The following TAOK3 variants were observed in gnomAD, a reference collection of about 807,000 sequenced individuals.
The protein encoded by TAOK3 is serine/threonine-protein kinase TAO3.
In TAOK3, 40 loss-of-function variants were observed where a neutral mutation model predicts 120.4. That is an observed-to-expected ratio of 0.33 (90% CI 0.26 to 0.43). The LOEUF is 0.43. Ranked by LOEUF, TAOK3 falls within the 20% of genes least tolerant of loss-of-function variation. The pLI, the probability that TAOK3 is intolerant of heterozygous loss-of-function variation, is 1.00. For synonymous variants in TAOK3, 355 were observed against 387.5 expected (o/e 0.92, Z 0.99); for missense variants, 821 against 1,112.1 (o/e 0.74, Z 3.72).
At chr12:118,252,308 A>C (rs2040790432) in intron 3 of TAOK3, among the ~76,000 whole-genome samples, 1 of 152,206 alleles carries the variant, frequency 6.6e-6, no homozygotes, top group Non-Finnish European at 1.5e-5. Context: ...AAAAGTTCAA[A>C]ACTAAGCAAA....
intron 6 of TAOK3, among the ~76,000 whole-genome samples, 198 bp downstream of exon 6, chr12:118,239,029 A>C (rs1350356555): frequency 1.3e-5 from 2 of 152,234 alleles, no homozygotes; most frequent in Admixed American, 6.5e-5. Context: ...CCATGAACTA[A>C]AACAGCAGGA....
intron 1 of TAOK3, among the ~76,000 whole-genome samples, chr12:118,355,249 AT>A (rs2045343689): frequency 6.6e-6 from 1 of 152,124 alleles, no homozygotes; most frequent in Admixed American, 6.5e-5. Context: ...AACAAAAAAA[AT>A]TTTTTTAGCT....
At chr12:118,295,578 T>C (rs2042648808) in intron 1 of TAOK3, among the ~76,000 whole-genome samples, 1 of 152,226 alleles carries the variant, frequency 6.6e-6, no homozygotes, top group Admixed American at 6.5e-5. Context: ...CTCTCGATTA[T>C]AAACTTCTTG....
Position 118,255,563 on chromosome 12 carries a change from C to G in TAOK3, c.5G>C (p.Arg2Pro), listed in dbSNP as rs142571136. Residue 2 changes from arginine (R) to proline (P), a missense_variant, in exon 3 of 21, where the codon CGT (arginine) becomes CCT (proline). Physicochemically the swap from Arg to Pro is moderately radical, Grantham distance 103. Coordinates refer to ENST00000392533, the MANE Select transcript of TAOK3 (RefSeq NM_016281.4). ...CTCTGGGTCCTTCAGCACCCCTTTA[C>G]GCATGATGGCCAGTAGAGCAGGCTC... M[R>P]KGVLKDPEIA... is the part of the protein sequence containing the mutation. The G allele has an allele frequency of 1.9e-6, 3 of 1,612,310 alleles. No individual in the cohort carries two copies. Among genetic ancestry groups the G allele is most frequent in the Non-Finnish European group, 1.7e-6 (2 of 1,179,280 alleles).
At chr12:118,252,043 G>A (rs893634450) in intron 3 of TAOK3, among the ~76,000 whole-genome samples, 4 of 151,950 alleles carry the variant, frequency 2.6e-5, no homozygotes, top group African/African-American at 9.7e-5. Context: ...GGATGGTCTC[G>A]ATCTCCTGAC....
intron 11 of TAOK3, among the ~76,000 whole-genome samples, chr12:118,209,469 C>A (rs977366034): frequency 6.6e-5 from 10 of 152,154 alleles, no homozygotes; most frequent in African/African-American, 2.4e-4. Flanking sequence ...GGGGCACAAT[C>A]TCGGCTCACT....
intron 19 of TAOK3, among the ~76,000 whole-genome samples, chr12:118,154,806 A>G (rs2034692192): frequency 6.6e-6 from 1 of 152,130 alleles, no homozygotes; most frequent in African/African-American, 2.4e-5. Context: ...TACACTGAAG[A>G]TACGATAAGA....
At chr12:118,175,620 T>C (rs954485254) in intron 16 of TAOK3, among the ~76,000 whole-genome samples, 3 of 151,448 alleles carry the variant, frequency 2.0e-5, no homozygotes, top group Admixed American at 1.3e-4. Flanking sequence ...AGAGCGAAAC[T>C]CCATCTCAAA....
chr12:118,182,597 G>GTATATATATA lies in TAOK3; in HGVS notation c.1330-991_1330-990insTATATATATA, dbSNP rs1291003929. On this transcript the variant is annotated intron_variant, in intron 14 of 20. Transcript: ENST00000392533. ...TTTGTATATGTGTGTGTGTGTGTGT[G>GTATATATATA]TGTATATATATATATATATATATAT... 5.2e-4 allele frequency among the ~76,000 whole-genome samples: 40 copies of GTATATATATA among 77,486 alleles called. 1 individual carries two copies. The highest frequency in any genetic ancestry group is 1.8e-3 in the African/African-American group (39 of 21,708). 50.8% of individuals were successfully genotyped at this position (77,486 alleles called of 152,430 possible).
chr12:118,339,836 A>G (rs1346830219), intron 1 of TAOK3, among the ~76,000 whole-genome samples: 1 of 152,060 alleles, frequency 6.6e-6, no homozygotes, highest in Non-Finnish European at 1.5e-5. Flanking sequence ...GCCCGGCTTT[A>G]GTTGCTCTTT....
Position 118,361,844 on chromosome 12 carries a change from T to C in TAOK3, c.-194+10804A>G, listed in dbSNP as rs377222908. On this transcript the variant is annotated intron_variant, in intron 1 of 20. Transcript: ENST00000392533. ...TGCACAGGTTTGTTACATGGGAATA[T>C]TGCACGATGTTGAGGTTTGGGGTAT... 2.6e-5 allele frequency among the ~76,000 whole-genome samples: 4 copies of C among 152,086 alleles called. 1 individual carries two copies. Among genetic ancestry groups the C allele is most frequent in the African/African-American group, 4.8e-5 (2 of 41,412 alleles).
At position 118,347,438 on chromosome 12, in the gene TAOK3, G is replaced by T. The variant is rs184570013; in HGVS notation, c.-194+25210C>A. 1.0e-3 allele frequency among the ~76,000 whole-genome samples: 152 copies of T among 152,232 alleles called. 1 individual carries two copies. Among genetic ancestry groups the T allele is most frequent in the South Asian group, 1.9e-3 (9 of 4,828 alleles). ...TCCTTTTGGCCTACAGCATGCTCAAGGTATCATTTATTGAGGGGAGGAGGG... is the reference window on the plus strand; with the variant it reads ...TCCTTTTGGCCTACAGCATGCTCAATGTATCATTTATTGAGGGGAGGAGGG... On this transcript the variant is annotated intron_variant, in intron 1 of 20. Transcript: ENST00000392533.
intron 1 of TAOK3, chr12:118,297,307 CA>C (rs1045069454): frequency 2.6e-5 from 4 of 152,216 alleles, no homozygotes; most frequent in African/African-American, 4.8e-5. Context: ...AACTATTAGT[CA>C]AATGTTACAG....
intron 9 of TAOK3, among the ~76,000 whole-genome samples, chr12:118,218,186 G>A (rs2039034760): frequency 6.6e-6 from 1 of 151,890 alleles, no homozygotes; most frequent in South Asian, 2.1e-4. Flanking sequence ...GTATTACAGT[G>A]ATATGAACTG....
chr12:118,253,038 C>A (rs1174531935), intron 3 of TAOK3, among the ~76,000 whole-genome samples: 1 of 152,140 alleles, frequency 6.6e-6, no homozygotes, highest in Non-Finnish European at 1.5e-5. Context: ...AATTAGCACC[C>A]TTTTCAGCCA....
At chr12:118,166,043 T>C (rs1248853361) in intron 17 of TAOK3, among the ~76,000 whole-genome samples, 2 of 152,102 alleles carry the variant, frequency 1.3e-5, no homozygotes, top group Non-Finnish European at 2.9e-5. Flanking sequence ...GTGCTTTCCA[T>C]TTTTAAAAGT....
intron 3 of TAOK3, among the ~76,000 whole-genome samples, chr12:118,251,167 T>C (rs540155249): frequency 1.3e-5 from 2 of 152,226 alleles, no homozygotes; most frequent in South Asian, 4.1e-4. Flanking sequence ...CACAACAGAC[T>C]GAAGAGACCA....
chr12:118,176,595 C>T (rs2036346440), intron 16 of TAOK3, among the ~76,000 whole-genome samples: 1 of 152,106 alleles, frequency 6.6e-6, no homozygotes, highest in Admixed American at 6.6e-5. Flanking sequence ...GCAGTAGCAG[C>T]AGCGTCATCT....
intron 9 of TAOK3, among the ~76,000 whole-genome samples, chr12:118,223,687 A>T (rs561056633): frequency 7.0e-6 from 1 of 142,076 alleles, no homozygotes; most frequent in African/African-American, 2.6e-5. Context: ...TTTGTCTCCC[A>T]GGCTGGAGTG....
Sources: gnomAD v4.1 joint callset for allele counts (sites outside exome capture counted in the v4.1 genomes callset) on GRCh38, gnomAD v4.1.1 for gene constraint, MANE v1.5 for transcripts, NCBI Gene and HGNC (gene_info 2026-07-23, HGNC 2026-07-21) for gene names.